ST6GALNAC3: variants seen among roughly 807,000 people sequenced by gnomAD.
ST6GALNAC3 encodes the protein alpha-N-acetylgalactosaminide alpha-2,6-sialyltransferase 3.
ST6GALNAC3 carries 25 observed loss-of-function variants against 32.7 expected under a neutral mutation model. That is an observed-to-expected ratio of 0.76 (90% CI 0.56 to 1.07). ST6GALNAC3 has a LOEUF of 1.07. Among genes scored for constraint, ST6GALNAC3 ranks in the 50% least tolerant of loss-of-function variants. ST6GALNAC3 has a pLI of 0.00. For missense variants in ST6GALNAC3, 355 were observed against 382.4 expected (o/e 0.93, Z 0.60); for synonymous variants, 129 against 133.1 (o/e 0.97, Z 0.21).
In ST6GALNAC3 at chr1:76,256,264, T is replaced by A. The variant is rs556184021; in HGVS notation, c.19-57541T>A. Among the ~76,000 whole-genome samples the A allele has an allele frequency of 1.3e-3, 203 of 152,290 alleles. 1 individual carries two copies. The highest frequency in any genetic ancestry group is 4.9e-3 in the African/African-American group (202 of 41,572). ...CTTCCTTCTCTCTCTCCAATTCTAA[T>A]TCCTTGGAATAGTCGTTTCTAAATA... On this transcript the variant is annotated intron_variant, in intron 1 of 4. Transcript: ENST00000328299.
At chr1:76,091,590 G>A (rs1647046937) in intron 1 of ST6GALNAC3, among the ~76,000 whole-genome samples, 1 of 152,194 alleles carries the variant, frequency 6.6e-6, no homozygotes. Flanking sequence ...TCCAGTCAAT[G>A]GCAGACTGCC....
At chr1:76,328,257 A>G (rs572354523) in intron 2 of ST6GALNAC3, among the ~76,000 whole-genome samples, 125 of 152,272 alleles carry the variant, frequency 8.2e-4, no homozygotes, top group South Asian at 5.6e-3. Flanking sequence ...TATAACTCTC[A>G]TATGTGATTT....
rs528387493 is a variant in ST6GALNAC3 at position 76,121,783 on chromosome 1, A to G, written c.18+46899A>G. Among the ~76,000 whole-genome samples the G allele has an allele frequency of 2.0e-5, 3 of 152,296 alleles. No individual in the cohort carries two copies. The South Asian group carries it at 6.2e-4, about 32-fold the overall frequency. ...CACACAAACCCTCCAGGAGGTTTAT[A>G]TCATACTCAGAAAAAATGTACCTGT... On this transcript the variant is annotated intron_variant, in intron 1 of 4. Transcript: ENST00000328299.
chr1:76,594,432 T>C (rs1194489547), intron 3 of ST6GALNAC3, among the ~76,000 whole-genome samples: 4 of 152,208 alleles, frequency 2.6e-5, no homozygotes, highest in Non-Finnish European at 5.9e-5. Context: ...TTTCAATACC[T>C]TCTAAAGAAC....
At chr1:76,611,067 G>A (rs1238612611) in intron 3 of ST6GALNAC3, among the ~76,000 whole-genome samples, 2 of 148,686 alleles carry the variant, frequency 1.3e-5, no homozygotes, top group African/African-American at 4.9e-5. Context: ...TCCAGGTGAG[G>A]TATATATATA....
At chr1:76,157,772 C>A (rs983295540) in intron 1 of ST6GALNAC3, among the ~76,000 whole-genome samples, 2 of 152,118 alleles carry the variant, frequency 1.3e-5, no homozygotes, top group Non-Finnish European at 2.9e-5. Context: ...ACTATACCAC[C>A]CTAAAAATTC....
At chr1:76,197,374 T>G (rs1654263435) in intron 1 of ST6GALNAC3, among the ~76,000 whole-genome samples, 1 of 152,110 alleles carries the variant, frequency 6.6e-6, no homozygotes, top group South Asian at 2.1e-4. Flanking sequence ...GGACTCTGAT[T>G]GTCAGTCTGG....
intron 3 of ST6GALNAC3, among the ~76,000 whole-genome samples, chr1:76,432,013 C>A (rs1351003877): frequency 6.6e-6 from 1 of 152,196 alleles, no homozygotes; most frequent in African/African-American, 2.4e-5. Context: ...TAACCCCTAA[C>A]AACCAATAAT....
intron 1 of ST6GALNAC3, among the ~76,000 whole-genome samples, chr1:76,112,005 G>A (rs1342332511): frequency 6.6e-6 from 1 of 151,676 alleles, no homozygotes; most frequent in Non-Finnish European, 1.5e-5. Context: ...TCACTTCCCA[G>A]TAGGGGCGGC....
intron 1 of ST6GALNAC3, among the ~76,000 whole-genome samples, chr1:76,273,850 T>C (rs1658991171): frequency 6.6e-6 from 1 of 152,178 alleles, no homozygotes; most frequent in Non-Finnish European, 1.5e-5. Context: ...GAATGATGTA[T>C]CTGGAAGTTT....
intron 3 of ST6GALNAC3, among the ~76,000 whole-genome samples, chr1:76,484,769 A>G (rs1347046244): frequency 1.3e-5 from 2 of 152,050 alleles, no homozygotes; most frequent in East Asian, 1.9e-4. Flanking sequence ...ACTGAATAGG[A>G]GTGGTGAGAG....
chr1:76,405,865 T>C (rs1421438168), intron 2 of ST6GALNAC3, among the ~76,000 whole-genome samples: 1 of 151,962 alleles, frequency 6.6e-6, no homozygotes, highest in Non-Finnish European at 1.5e-5. Context: ...CAATAAAATA[T>C]ATTGTTTACA....
At chr1:76,321,542 C>T (rs1646966764) in intron 2 of ST6GALNAC3, among the ~76,000 whole-genome samples, 1 of 152,194 alleles carries the variant, frequency 6.6e-6, no homozygotes, top group African/African-American at 2.4e-5. Context: ...CCACCACCAC[C>T]AAATGTTCAG....
At chr1:76,544,637 G>A (rs1032853642) in intron 3 of ST6GALNAC3, among the ~76,000 whole-genome samples, 9 of 152,158 alleles carry the variant, frequency 5.9e-5, no homozygotes, top group Non-Finnish European at 1.3e-4. Flanking sequence ...GTTAGGGGAG[G>A]AAGGGGGAAT....
chr1:76,632,710 G>C lies in ST6GALNAC3; in HGVS notation c.*3904G>C, dbSNP rs762274670. On this transcript the variant is annotated 3_prime_UTR_variant, in exon 5 of 5. Coordinates refer to ENST00000328299, the MANE Select transcript of ST6GALNAC3 (RefSeq NM_152996.4). ...TACTTAGAGAAGAGACAACACTAAA[G>C]TACTTCACCTGGTAGTGTTAATTGG... 2.0e-5 allele frequency: 3 copies of C among 151,932 alleles called. No individual in the cohort carries two copies. The highest frequency in any genetic ancestry group is 4.4e-5 in the Non-Finnish European group (3 of 67,980). The allele number at this position is 151,932 out of a possible 1,614,324, so 9.4% of individuals were successfully genotyped here.
chr1:76,329,157 G>A (rs908692085), intron 2 of ST6GALNAC3, among the ~76,000 whole-genome samples: 34 of 152,146 alleles, frequency 2.2e-4, no homozygotes, highest in Non-Finnish European at 4.0e-4. Flanking sequence ...AAAAACACAG[G>A]AATCATCATG....
chr1:76,464,647 G>C (rs1449760061), intron 3 of ST6GALNAC3, among the ~76,000 whole-genome samples: 2 of 152,220 alleles, frequency 1.3e-5, no homozygotes, highest in African/African-American at 4.8e-5. Flanking sequence ...AGCAATAGCT[G>C]AGTAAGTGGT....
At chr1:76,327,133 T>A (rs1012155940) in intron 2 of ST6GALNAC3, among the ~76,000 whole-genome samples, 2 of 152,120 alleles carry the variant, frequency 1.3e-5, no homozygotes, top group African/African-American at 4.8e-5. Context: ...AATGACTGGA[T>A]GATTTTTCTC....
At chr1:76,508,856 T>C (rs745461675) in intron 3 of ST6GALNAC3, among the ~76,000 whole-genome samples, 11 of 152,194 alleles carry the variant, frequency 7.2e-5, no homozygotes, top group Non-Finnish European at 1.3e-4. Flanking sequence ...CTGGGCATAT[T>C]TCTCATTGAA....
Sources: gnomAD v4.1 joint callset for allele counts (sites outside exome capture counted in the v4.1 genomes callset) on GRCh38, gnomAD v4.1.1 for gene constraint, MANE v1.5 for transcripts, NCBI Gene and HGNC (gene_info 2026-07-23, HGNC 2026-07-21) for gene names.